The following TEX11 variants were observed in gnomAD, a reference collection of about 807,000 sequenced individuals.
TEX11 encodes testis-expressed protein 11.
In TEX11, 7 loss-of-function variants were observed where a neutral mutation model predicts 84.4. The ratio of observed to expected loss-of-function variants is 0.08; its 90% CI spans 0.05 to 0.16. The LOEUF (loss-of-function observed/expected upper bound fraction) is 0.16, where lower values mean the gene tolerates loss of function less well. TEX11 is among the 10% of genes least tolerant of loss of function. The pLI is 1.00. For missense variants in TEX11, 551 were observed against 660.5 expected (o/e 0.83, Z 1.82); for synonymous variants, 264 against 222.8 (o/e 1.18, Z -1.64).
chrX:70,640,793 G>C (rs2089646441), intron 17 of TEX11, among the ~76,000 whole-genome samples: 1 of 109,602 alleles, frequency 9.1e-6, no homozygotes, highest in Non-Finnish European at 1.9e-5. Flanking sequence ...AAGGAACAAC[G>C]GGTACCAGCT....
chrX:70,709,253 G>T (rs760780319), intron 13 of TEX11, among the ~76,000 whole-genome samples: 5 of 111,148 alleles, frequency 4.5e-5, no homozygotes, highest in African/African-American at 1.6e-4. Flanking sequence ...CTGTTACATG[G>T]GAATATCTGA....
chrX:70,881,474 GAGCCT>G (rs2091683072), intron 2 of TEX11, among the ~76,000 whole-genome samples: 1 of 110,781 alleles, frequency 9.0e-6, no homozygotes, highest in African/African-American at 3.3e-5. Context: ...CAACATTCTT[GAGCCT>G]CAAATTAGCA....
chrX:70,600,841 C>A, intron 24 of TEX11, among the ~76,000 whole-genome samples: 1 of 38,434 alleles, frequency 2.6e-5, no homozygotes, highest in Non-Finnish European at 4.9e-5. Flanking sequence ...CACAACATAC[C>A]AGAATCTCTG....
chrX:70,663,091 C>T (rs2089945648), intron 16 of TEX11, among the ~76,000 whole-genome samples: 1 of 111,104 alleles, frequency 9.0e-6, no homozygotes, highest in Admixed American at 9.6e-5. Flanking sequence ...GAGCCTAGTC[C>T]CCCACAAAAT....
chrX:70,724,895 A>C (rs73634835), intron 12 of TEX11, among the ~76,000 whole-genome samples: 1,822 of 111,281 alleles, frequency 0.016, 39 homozygotes, highest in African/African-American at 0.057. Context: ...AATGTTTATA[A>C]ACAAGTAATT....
At chrX:70,753,799 C>G (rs139076859) in intron 9 of TEX11, among the ~76,000 whole-genome samples, 146 of 110,295 alleles carry the variant, frequency 1.3e-3, no homozygotes, top group African/African-American at 4.4e-3. Context: ...GTGAGGCCTC[C>G]TCTCCAGGTC....
intron 2 of TEX11, among the ~76,000 whole-genome samples, chrX:70,889,349 G>A (rs921513443): frequency 8.2e-5 from 9 of 109,770 alleles, no homozygotes; most frequent in Non-Finnish European, 1.1e-4. Context: ...CCCAGGAGGC[G>A]GTGGTTGCAG....
chrX:70,529,030 T>C lies in TEX11; in HGVS notation c.*65A>G. ...AGAAACAAAAGCTCAAGAGAAACTC[T>C]GGCAAAAATTTAAACAGTCAGCATC... On this transcript the variant is annotated 3_prime_UTR_variant, in exon 30 of 30. Coordinates refer to ENST00000374333, the MANE Select transcript of TEX11 (RefSeq NM_031276.3). 2 of 915,544 alleles carry C rather than the reference T, an allele frequency of 2.2e-6. No individual in the cohort carries two copies. The highest frequency in any genetic ancestry group is 3.1e-6 in the Non-Finnish European group (2 of 639,645). 75.5% of individuals were successfully genotyped at this position (915,544 alleles called of 1,213,427 possible). A position where few individuals can be genotyped will look rare whatever the true frequency, so the allele number is the denominator to read the frequency against.
intron 13 of TEX11, among the ~76,000 whole-genome samples, chrX:70,712,137 C>T (rs1359097526): frequency 2.7e-5 from 3 of 111,163 alleles, no homozygotes; most frequent in Non-Finnish European, 5.7e-5. Flanking sequence ...CTGTTCTTTT[C>T]CATTGGTCTG....
chrX:70,584,526 G>C (rs751672280), intron 25 of TEX11, among the ~76,000 whole-genome samples: 1 of 111,324 alleles, frequency 9.0e-6, no homozygotes, highest in East Asian at 2.8e-4. Context: ...GAAGAGGAGG[G>C]AATACTTCCT....
At chrX:70,852,108 A>G (rs1264849927) in intron 7 of TEX11, among the ~76,000 whole-genome samples, 2 of 112,181 alleles carry the variant, frequency 1.8e-5, no homozygotes, top group East Asian at 5.6e-4. Flanking sequence ...CACAGTGTAA[A>G]TGGGTGAATT....
rs2089582838 is a variant in TEX11 at position 70,636,935 on chromosome X, C to T, written c.1484-7200G>A. Among the ~76,000 whole-genome samples, 4 of 112,015 alleles carry T rather than the reference C, an allele frequency of 3.6e-5. No individual in the cohort carries two copies. In the Admixed American group the frequency reaches 3.8e-4, roughly 11 times the overall value. ...CTTCCCAGACTAAAGAGCTGCTGCA[C>T]AGCAGAAGAAACCATCATCAGAATG... On this transcript the variant is annotated intron_variant, in intron 17 of 29. Coordinates refer to ENST00000374333, the MANE Select transcript of TEX11 (RefSeq NM_031276.3).
chrX:70,531,376 T>C (rs2087886608), intron 28 of TEX11, among the ~76,000 whole-genome samples: 1 of 111,975 alleles, frequency 8.9e-6, no homozygotes, highest in Admixed American at 9.5e-5. Context: ...AGCACCATAA[T>C]AGTACTTTGA....
chrX:70,759,452 G>A (rs770570620), intron 9 of TEX11, among the ~76,000 whole-genome samples: 1 of 111,906 alleles, frequency 8.9e-6, no homozygotes, highest in African/African-American at 3.2e-5. Flanking sequence ...TGGGATGCAA[G>A]GCTGGTTCAT....
intron 7 of TEX11, among the ~76,000 whole-genome samples, chrX:70,837,499 G>C (rs2091412432): frequency 9.0e-6 from 1 of 111,130 alleles, no homozygotes; most frequent in East Asian, 2.8e-4. Context: ...GGAGGCAGTA[G>C]TTGCAGTGAG....
chrX:70,673,331 C>A (rs1405494364), intron 15 of TEX11: 1 of 111,222 alleles, frequency 9.0e-6, no homozygotes, highest in Admixed American at 9.6e-5. Context: ...ATTGCCCAGG[C>A]TGGTTGGTCC....
At chrX:70,804,975 T>A (rs2091209922) in intron 9 of TEX11, among the ~76,000 whole-genome samples, 1 of 98,637 alleles carries the variant, frequency 1.0e-5, no homozygotes, top group East Asian at 3.1e-4. Context: ...AGCATCCTTT[T>A]TTTTTTTTTT....
chrX:70,773,552 TAAAAG>T (rs2147779163), intron 9 of TEX11, among the ~76,000 whole-genome samples: 1 of 111,826 alleles, frequency 8.9e-6, no homozygotes, highest in East Asian at 2.8e-4. Context: ...AAGTTATTAA[TAAAAG>T]AAAAGGATGC....
At chrX:70,589,019 A>G (rs1239546799) in intron 25 of TEX11, among the ~76,000 whole-genome samples, 2 of 110,596 alleles carry the variant, frequency 1.8e-5, no homozygotes, top group Non-Finnish European at 3.8e-5. Context: ...GGCTGGAGAA[A>G]GGGGGAATGG....
Sources: gnomAD v4.1 joint callset for allele counts (sites outside exome capture counted in the v4.1 genomes callset) on GRCh38, gnomAD v4.1.1 for gene constraint, MANE v1.5 for transcripts, NCBI Gene and HGNC (gene_info 2026-07-23, HGNC 2026-07-21) for gene names.